Variants in NCOA2 observed in about 807,000 individuals in gnomAD.
NCOA2 encodes class E basic helix-loop-helix protein 75.
NCOA2 carries 21 observed loss-of-function variants against 145.1 expected under a neutral mutation model. The observed-to-expected ratio is 0.14, with a 90% CI of 0.10 to 0.21. The LOEUF (loss-of-function observed/expected upper bound fraction) is 0.21. NCOA2 is among the 10% of genes least tolerant of loss of function. The probability of loss-of-function intolerance (pLI) is 1.00; values close to 1 mark genes in which losing one functional copy is unlikely to be tolerated. For missense variants in NCOA2, 1,472 were observed against 1,837.6 expected (o/e 0.80, Z 3.64); for synonymous variants, 619 against 637.5 (o/e 0.97, Z 0.44).
chr8:70,339,464 T>G (rs960092271), intron 1 of NCOA2, among the ~76,000 whole-genome samples: 2 of 152,128 alleles, frequency 1.3e-5, no homozygotes, highest in Non-Finnish European at 2.9e-5. Context: ...CATCCCATGC[T>G]CATGGATAGG....
At chr8:70,149,612 T>C (rs547301375) in intron 11 of NCOA2, among the ~76,000 whole-genome samples, 30 of 152,008 alleles carry the variant, frequency 2.0e-4, no homozygotes, top group African/African-American at 7.0e-4. Context: ...AGCACTAACA[T>C]AAGCTAAGTA....
intron 1 of NCOA2, among the ~76,000 whole-genome samples, chr8:70,341,083 A>G (rs1022421481): frequency 5.6e-5 from 6 of 107,760 alleles, no homozygotes; most frequent in African/African-American, 1.1e-4. Context: ...TAAAAAGTTG[A>G]AAAAAAAAAA....
chr8:70,221,699 A>G (rs1023629468), intron 2 of NCOA2, among the ~76,000 whole-genome samples: 4 of 152,230 alleles, frequency 2.6e-5, no homozygotes, highest in Admixed American at 2.0e-4. Flanking sequence ...TTCTGGCAAC[A>G]GTTGAATAAA....
intron 4 of NCOA2, among the ~76,000 whole-genome samples, chr8:70,205,377 G>C (rs536020721): frequency 1.9e-4 from 29 of 152,248 alleles, no homozygotes; most frequent in African/African-American, 6.7e-4. Flanking sequence ...ATAATAAGTA[G>C]TCTAGGGTAA....
At chr8:70,159,232 A>ATG (rs1812635585) in intron 10 of NCOA2, among the ~76,000 whole-genome samples, 9 of 52,118 alleles carry the variant, frequency 1.7e-4, no homozygotes, top group Admixed American at 6.2e-4. Context: ...TTATATATAT[A>ATG]TATATATATA....
rs57235614 is a variant in NCOA2, at chr8:70,330,216, A to AATGATGATGATGATG, written c.-76-33431_-76-33417dup. 3.1e-3 allele frequency among the ~76,000 whole-genome samples: 468 copies of AATGATGATGATGATG among 150,906 alleles called. 3 individuals are homozygous for AATGATGATGATGATG. Among genetic ancestry groups the AATGATGATGATGATG allele is most frequent in the African/African-American group, 0.011 (443 of 40,960 alleles). ...AATAAATGATGATGATGATGATGAT[A>AATGATGATGATGATG]ATGATGATGATGATGATGATGATCT... On this transcript the variant is annotated intron_variant, in intron 1 of 22. Transcript: ENST00000452400.
intron 1 of NCOA2, among the ~76,000 whole-genome samples, chr8:70,366,286 A>C (rs1586608735): frequency 6.6e-6 from 1 of 152,196 alleles, no homozygotes; most frequent in African/African-American, 2.4e-5. Context: ...ACACAGACTG[A>C]TGAAAGTATG....
At chr8:70,388,128 TAAATAGAACTC>T (rs1812839529) in intron 1 of NCOA2, among the ~76,000 whole-genome samples, 1 of 151,124 alleles carries the variant, frequency 6.6e-6, no homozygotes, top group South Asian at 2.1e-4. Context: ...GCAGCAATAG[TAAATAGAACTC>T]CCTGATTCAG....
intron 6 of NCOA2, among the ~76,000 whole-genome samples, chr8:70,167,103 A>C (rs58190381): frequency 0.023 from 3,448 of 152,224 alleles, 128 homozygotes; most frequent in African/African-American, 0.078. Context: ...AGAATACTAT[A>C]GTTTTCTACT....
intron 2 of NCOA2, among the ~76,000 whole-genome samples, chr8:70,246,757 C>G (rs1822660925): frequency 6.6e-6 from 1 of 152,076 alleles, no homozygotes; most frequent in African/African-American, 2.4e-5. Flanking sequence ...ACTCTACTTT[C>G]TGTTTCTATG....
At chr8:70,264,029 A>G (rs553567542) in intron 2 of NCOA2, among the ~76,000 whole-genome samples, 2 of 152,172 alleles carry the variant, frequency 1.3e-5, no homozygotes, top group East Asian at 1.9e-4. Flanking sequence ...CCCGACCAAC[A>G]TGGAGAAATC....
chr8:70,324,760 A>G (rs1484107284), intron 1 of NCOA2, among the ~76,000 whole-genome samples: 2 of 152,226 alleles, frequency 1.3e-5, no homozygotes, highest in Non-Finnish European at 2.9e-5. Flanking sequence ...GAGACAAGAT[A>G]TTAGGTACTG....
intron 2 of NCOA2, among the ~76,000 whole-genome samples, chr8:70,252,619 A>G (rs1426756885): frequency 1.3e-5 from 2 of 152,286 alleles, no homozygotes; most frequent in Admixed American, 6.5e-5. Context: ...AGAAAGTGAC[A>G]ATCACATACG....
At chr8:70,400,982 A>T (rs1015468102) in intron 1 of NCOA2, among the ~76,000 whole-genome samples, 3 of 152,194 alleles carry the variant, frequency 2.0e-5, no homozygotes, top group African/African-American at 4.8e-5. Flanking sequence ...TTCATTCTTA[A>T]TCTAACACTT....
At chr8:70,358,820 C>T (rs1364092044) in intron 1 of NCOA2, among the ~76,000 whole-genome samples, 1 of 152,076 alleles carries the variant, frequency 6.6e-6, no homozygotes, top group African/African-American at 2.4e-5. Context: ...TTGGTGAAAA[C>T]TATATGTATA....
intron 1 of NCOA2, among the ~76,000 whole-genome samples, chr8:70,400,470 A>G (rs963552041): frequency 3.3e-5 from 5 of 152,148 alleles, no homozygotes; most frequent in African/African-American, 1.2e-4. Flanking sequence ...GGATTGTTGC[A>G]AAGAATTAAG....
chr8:70,424,569 A>G, the NCOA2 span: 2 of 517,104 alleles, frequency 3.9e-6, no homozygotes, highest in Admixed American at 2.0e-5. Flanking sequence ...AGGGATCACA[A>G]GAGATAAGGC....
chr8:70,152,968 T>C (rs16936768), intron 11 of NCOA2, among the ~76,000 whole-genome samples: 6,908 of 152,288 alleles, frequency 0.045, 263 homozygotes, highest in East Asian at 0.16. Flanking sequence ...CAGCAATCAA[T>C]AGGAGATACA....
chr8:70,397,730 A>C (rs1396777138), intron 1 of NCOA2, among the ~76,000 whole-genome samples: 1 of 152,220 alleles, frequency 6.6e-6, no homozygotes, highest in African/African-American at 2.4e-5. Context: ...ATAAAACAAA[A>C]AGAATTATAA....
Sources: gnomAD v4.1 joint callset for allele counts (sites outside exome capture counted in the v4.1 genomes callset) on GRCh38, gnomAD v4.1.1 for gene constraint, MANE v1.5 for transcripts, NCBI Gene and HGNC (gene_info 2026-07-23, HGNC 2026-07-21) for gene names.